The following SH3D19 variants were observed in gnomAD, a reference collection of about 807,000 sequenced individuals.
SH3D19 encodes the protein SH3 domain containing 19.
SH3D19 carries 58 observed loss-of-function variants against 112.1 expected under a neutral mutation model. The ratio of observed to expected loss-of-function variants is 0.52; its 90% CI spans 0.42 to 0.64. SH3D19 has a LOEUF of 0.64. Ranked by LOEUF, SH3D19 falls within the 30% of genes least tolerant of loss-of-function variation. SH3D19 has a pLI of 0.00. For missense variants in SH3D19, 1,090 were observed against 1,263.4 expected, an observed-to-expected ratio of 0.86 and a Z score of 2.08; for synonymous variants, 391 against 448.5, an observed-to-expected ratio of 0.87 and a Z score of 1.62.
At chr4:151,122,323 G>A (rs1748091309) in intron 19 of SH3D19, 116 bp from the exon 20 acceptor site, 1 of 626,800 alleles carries the variant, frequency 1.6e-6, no homozygotes, top group African/African-American at 1.8e-5. Flanking sequence ...TATCTTGATT[G>A]TTGAGAATTA....
chr4:151,227,553 T>G (rs1364936716), intron 1 of SH3D19, among the ~76,000 whole-genome samples: 1 of 152,226 alleles, frequency 6.6e-6, no homozygotes, highest in African/African-American at 2.4e-5. Context: ...ACCCCTCCCT[T>G]AAATGAAAAT....
At chr4:151,283,444 T>C (rs1774441159) in intron 1 of SH3D19, among the ~76,000 whole-genome samples, 2 of 151,836 alleles carry the variant, frequency 1.3e-5, no homozygotes, top group Non-Finnish European at 2.9e-5. Flanking sequence ...CTTCTATCTG[T>C]GAAATCAGTT....
chr4:151,207,240 A>T (rs1357877528), intron 2 of SH3D19, among the ~76,000 whole-genome samples: 1 of 152,138 alleles, frequency 6.6e-6, no homozygotes, highest in African/African-American at 2.4e-5. Context: ...AAAACTAAAC[A>T]CTGAAATGCA....
chr4:151,170,807 G>T (rs2149817238), intron 7 of SH3D19: 1 of 152,252 alleles, frequency 6.6e-6, no homozygotes, highest in African/African-American at 2.4e-5. Context: ...ATTCAAAAGG[G>T]AGCAAAATGC....
At chr4:151,166,341 G>A (rs915089287) in intron 7 of SH3D19, 3 of 152,134 alleles carry the variant, frequency 2.0e-5, no homozygotes, top group Admixed American at 6.5e-5. Context: ...AATTGCAGTG[G>A]TTGTCATTGA....
chr4:151,210,440 C>T (rs1245551524), intron 2 of SH3D19, among the ~76,000 whole-genome samples: 4 of 144,766 alleles, frequency 2.8e-5, no homozygotes, highest in Non-Finnish European at 4.5e-5. Flanking sequence ...GTCTCGCTGT[C>T]ACCCAGGATG....
At chr4:151,314,810 C>G (rs1415288431) in intron 1 of SH3D19, among the ~76,000 whole-genome samples, 1 of 152,202 alleles carries the variant, frequency 6.6e-6, no homozygotes, top group Non-Finnish European at 1.5e-5. Flanking sequence ...CCACTATTCT[C>G]AGTGCTTCGG....
At chr4:151,297,963 CAGAAAGAAGAGA>C (rs1775815425) in intron 1 of SH3D19, among the ~76,000 whole-genome samples, 1 of 151,912 alleles carries the variant, frequency 6.6e-6, no homozygotes, top group African/African-American at 2.4e-5. Context: ...AGGATGGAAG[CAGAAAGAAGAGA>C]GGAATGAAGA....
chr4:151,198,120 A>G (rs990602091), intron 2 of SH3D19, among the ~76,000 whole-genome samples: 3 of 151,504 alleles, frequency 2.0e-5, no homozygotes, highest in Non-Finnish European at 2.9e-5. Context: ...CCTGGCTAAC[A>G]TGGTGAAACC....
chr4:151,231,056 T>C (rs1769568243), intron 1 of SH3D19, among the ~76,000 whole-genome samples: 1 of 152,184 alleles, frequency 6.6e-6, no homozygotes, highest in Admixed American at 6.5e-5. Context: ...CTTTGTGCCA[T>C]TCAGAATTAC....
At chr4:151,139,246 C>G (rs1561213526) in intron 13 of SH3D19, among the ~76,000 whole-genome samples, 1 of 152,014 alleles carries the variant, frequency 6.6e-6, no homozygotes, top group Admixed American at 6.6e-5. Context: ...CTCAGCCTCG[C>G]GGGTTCACGC....
chr4:151,193,222 T>C (rs1762913834), intron 2 of SH3D19, among the ~76,000 whole-genome samples: 1 of 152,210 alleles, frequency 6.6e-6, no homozygotes, highest in African/African-American at 2.4e-5. Context: ...CATCTCACTG[T>C]ATGCACATCT....
At chr4:151,317,431 A>G (rs1408939111) in intron 1 of SH3D19, among the ~76,000 whole-genome samples, 1 of 152,234 alleles carries the variant, frequency 6.6e-6, no homozygotes, top group East Asian at 1.9e-4. Context: ...GTCTCTAAGC[A>G]CCATTGGATG....
chr4:151,130,437 A>AAAAAC (rs1341867684), intron 17 of SH3D19, among the ~76,000 whole-genome samples: 4 of 152,182 alleles, frequency 2.6e-5, no homozygotes, highest in Admixed American at 6.5e-5. Flanking sequence ...CCTGTCTCAA[A>AAAAAC]AAAACAAAAC....
intron 1 of SH3D19, among the ~76,000 whole-genome samples, chr4:151,276,655 A>G (rs923947985): frequency 1.3e-5 from 2 of 151,904 alleles, no homozygotes; most frequent in African/African-American, 4.8e-5. Flanking sequence ...TCCTGAGACC[A>G]CTCTAAAATA....
chr4:151,134,665 T>C (rs1021052872), intron 15 of SH3D19, among the ~76,000 whole-genome samples: 2 of 152,238 alleles, frequency 1.3e-5, no homozygotes, highest in Non-Finnish European at 2.9e-5. Flanking sequence ...ATAGACTGTC[T>C]TTGCTGCTTT....
intron 2 of SH3D19, among the ~76,000 whole-genome samples, chr4:151,191,957 T>TC (rs55834037): frequency 4.2e-5 from 5 of 118,724 alleles, no homozygotes; most frequent in Admixed American, 1.8e-4. Context: ...TTTTTTTTTT[T>TC]TTTTTTGATA....
chr4:151,321,470 T>C (rs572622694), intron 1 of SH3D19, among the ~76,000 whole-genome samples: 2 of 151,918 alleles, frequency 1.3e-5, no homozygotes, highest in East Asian at 3.9e-4. Context: ...GAAACAAAAA[T>C]GAAGTTGATC....
intron 1 of SH3D19, among the ~76,000 whole-genome samples, chr4:151,229,333 C>G (rs1255508125): frequency 6.6e-6 from 1 of 152,144 alleles, no homozygotes; most frequent in Non-Finnish European, 1.5e-5. Context: ...TGCCTTAACT[C>G]TAAAATTTGC....
Sources: allele counts gnomAD v4.1 joint callset (sites outside exome capture counted in the v4.1 genomes callset), GRCh38; gene constraint gnomAD v4.1.1; transcripts MANE v1.5; gene names NCBI Gene and HGNC (gene_info 2026-07-23, HGNC 2026-07-21).